The following CCDC7 variants were observed in gnomAD, a reference collection of about 807,000 sequenced individuals.
CCDC7 encodes the protein coiled-coil domain containing 7, also known as coiled-coil domain-containing protein 7.
CCDC7 carries 183 observed loss-of-function variants against 196.9 expected under a neutral mutation model. The ratio of observed to expected loss-of-function variants is 0.93; its 90% CI spans 0.82 to 1.05. The LOEUF (loss-of-function observed/expected upper bound fraction) is 1.05. Among genes scored for constraint, CCDC7 ranks in the 50% least tolerant of loss-of-function variants. The probability of loss-of-function intolerance (pLI) is 0.00; values close to 1 mark genes in which losing one functional copy is unlikely to be tolerated. For missense variants in CCDC7, 1,540 were observed against 1,482.2 expected (o/e 1.04, Z -0.64); for synonymous variants, 525 against 484.6 (o/e 1.08, Z -1.10).
intron 5 of CCDC7, 24 bp from the exon 7 acceptor site, chr10:32,471,040 A>C: frequency 6.5e-7 from 1 of 1,545,792 alleles, no homozygotes; most frequent in Non-Finnish European, 8.7e-7. Flanking sequence ...TTTACTAAAT[A>C]ACTGGTTAAT....
exon 24 of CCDC7, chr10:32,694,963 A>G: frequency 1.2e-6 from 2 of 1,603,180 alleles, no homozygotes; most frequent in Non-Finnish European, 1.7e-6. Context: ...GAAAAAACCA[A>G]AAAACTTCCT....
At chr10:32,778,849 T>G (rs2080552082) in intron 28 of CCDC7, 128 bp from the exon 30 acceptor site, 1 of 648,236 alleles carries the variant, frequency 1.5e-6, no homozygotes, top group African/African-American at 1.8e-5. Context: ...ATTTCTGATT[T>G]CTTTTGCAGT....
intron 21 of CCDC7, among the ~76,000 whole-genome samples, chr10:32,677,116 CA>C (rs1195538429): frequency 6.9e-6 from 1 of 145,978 alleles, no homozygotes; most frequent in Non-Finnish European, 1.5e-5. Flanking sequence ...ATTGCAAGGA[CA>C]AAAAACCAAA....
At chr10:32,469,924 G>A (rs981793044) in intron 5 of CCDC7, among the ~76,000 whole-genome samples, 2 of 152,128 alleles carry the variant, frequency 1.3e-5, no homozygotes, top group African/African-American at 4.8e-5. Flanking sequence ...ACAAGACAAT[G>A]AAGAATAGAT....
intron 18 of CCDC7, among the ~76,000 whole-genome samples, chr10:32,593,265 C>A (rs540356475): frequency 2.8e-4 from 42 of 152,168 alleles, no homozygotes; most frequent in South Asian, 2.1e-4. Flanking sequence ...ATGGTATCTC[C>A]TTGTGGTTTT....
chr10:32,601,072 T>C (rs574451128), intron 18 of CCDC7, among the ~76,000 whole-genome samples: 13 of 152,210 alleles, frequency 8.5e-5, no homozygotes, highest in African/African-American at 3.1e-4. Context: ...GAGAAATTGG[T>C]AGTTTATCTT....
chr10:32,553,729 G>A (rs2053885131), intron 13 of CCDC7, among the ~76,000 whole-genome samples: 1 of 152,178 alleles, frequency 6.6e-6, no homozygotes, highest in African/African-American at 2.4e-5. Context: ...GCTCTGGGCT[G>A]CTATTGGGGG....
intron 11 of CCDC7, among the ~76,000 whole-genome samples, chr10:32,531,944 T>G (rs1368749689): frequency 3.3e-5 from 5 of 152,266 alleles, no homozygotes; most frequent in Non-Finnish European, 5.9e-5. Context: ...CTCTTTTTTC[T>G]TAGTCTAAAG....
chr10:32,815,960 T>G (rs1201977410), intron 31 of CCDC7, among the ~76,000 whole-genome samples: 1 of 152,156 alleles, frequency 6.6e-6, no homozygotes, highest in Non-Finnish European at 1.5e-5. Context: ...CCAACTGAGG[T>G]ACCGGGTTCA....
intron 18 of CCDC7, among the ~76,000 whole-genome samples, chr10:32,605,757 G>A (rs925979502): frequency 6.6e-6 from 1 of 152,068 alleles, no homozygotes; most frequent in African/African-American, 2.4e-5. Flanking sequence ...AGATACAGGA[G>A]CAAAGAAATG....
intron 13 of CCDC7, among the ~76,000 whole-genome samples, chr10:32,552,162 G>A (rs2053581895): frequency 6.6e-6 from 1 of 152,102 alleles, no homozygotes; most frequent in African/African-American, 2.4e-5. Flanking sequence ...ATCCTTCTTT[G>A]TCTCCTTTGG....
exon 14 of CCDC7, chr10:32,565,597 G>A (rs2056653128): frequency 1.9e-6 from 3 of 1,607,984 alleles, no homozygotes; most frequent in East Asian, 2.2e-5. Context: ...AGTCCTTCAG[G>A]AGCAATTGAA....
At chr10:32,802,333 T>C (rs2084961866) in intron 29 of CCDC7, among the ~76,000 whole-genome samples, 1 of 152,040 alleles carries the variant, frequency 6.6e-6, no homozygotes, top group Admixed American at 6.6e-5. Context: ...GAATCAGGAG[T>C]ATCAAATGCA....
intron 41 of CCDC7, among the ~76,000 whole-genome samples, chr10:32,869,237 C>T (rs2094331112): frequency 6.6e-6 from 1 of 152,136 alleles, no homozygotes; most frequent in African/African-American, 2.4e-5. Flanking sequence ...CCTGTTGTTT[C>T]CTGACTTTTC....
chr10:32,462,913 G>A (rs1588815035), intron 4 of CCDC7, 104 bp from the exon 6 acceptor site: 2 of 1,519,252 alleles, frequency 1.3e-6, no homozygotes, highest in Non-Finnish European at 1.8e-6. Context: ...TTTGATGGAT[G>A]AAGATTCAGA....
At chr10:32,728,065 G>A (rs1363257379) in intron 26 of CCDC7, among the ~76,000 whole-genome samples, 1 of 152,082 alleles carries the variant, frequency 6.6e-6, no homozygotes, top group Non-Finnish European at 1.5e-5. Context: ...GGAATGAGAG[G>A]GTCTTGAAGT....
At chr10:32,615,015 A>G (rs1045514659) in intron 18 of CCDC7, among the ~76,000 whole-genome samples, 2 of 152,152 alleles carry the variant, frequency 1.3e-5, no homozygotes, top group Non-Finnish European at 2.9e-5. Context: ...GTGTGTGTAT[A>G]TGCATACCTA....
At chr10:32,631,846 A>G (rs2064911763) in intron 18 of CCDC7, among the ~76,000 whole-genome samples, 1 of 152,038 alleles carries the variant, frequency 6.6e-6, no homozygotes, top group Admixed American at 6.6e-5. Context: ...TTTTTAGTAT[A>G]CAGGACTTTA....
chr10:32,750,958 G>C (rs906292994), intron 28 of CCDC7, among the ~76,000 whole-genome samples: 2 of 152,202 alleles, frequency 1.3e-5, no homozygotes, highest in African/African-American at 4.8e-5. Context: ...ATATAAAGTG[G>C]CAGAGGATAA....
Sources: allele counts gnomAD v4.1 joint callset (sites outside exome capture counted in the v4.1 genomes callset), GRCh38; gene constraint gnomAD v4.1.1; transcripts MANE v1.5; gene names NCBI Gene and HGNC (gene_info 2026-07-23, HGNC 2026-07-21).